CELSR3: variants seen among roughly 807,000 people sequenced by gnomAD.
The protein encoded by CELSR3 is EGF-like protein 1.
In CELSR3, 73 loss-of-function variants were observed where a neutral mutation model predicts 270.0. That is an observed-to-expected ratio of 0.27 (90% CI 0.22 to 0.33). CELSR3 has a LOEUF of 0.33. CELSR3 is among the 10% of genes least tolerant of loss of function. The pLI is 1.00. For synonymous variants in CELSR3, 1,780 were observed against 1,905.4 expected, an observed-to-expected ratio of 0.93 and a Z score of 1.71; for missense variants, 3,614 against 4,533.8, an observed-to-expected ratio of 0.80 and a Z score of 5.83.
At position 48,644,628 on chromosome 3, in the gene CELSR3, A is replaced by AC. The variant is rs1160155250; in HGVS notation, c.8085+87dup. On this transcript the variant is annotated intron_variant, in intron 26 of 34. Coordinates refer to ENST00000164024, the MANE Select transcript of CELSR3 (RefSeq NM_001407.3). The surrounding 1 kb of genome is among the most constrained non-coding windows in gnomAD (Gnocchi z 4.8). ...GAGCCCAGGAAGCCTGCAGAATGCC[A>AC]CCTGACCGCCCTCAGCTGAGTCCAC... 9.3e-7 allele frequency: 1 copy of AC among 1,072,384 alleles called. No homozygotes were observed. The highest frequency in any genetic ancestry group is 1.6e-5 in the African/African-American group (1 of 63,288). The allele number at this position is 1,072,384 out of a possible 1,614,324, so 66.4% of individuals were successfully genotyped here.
rs1054347988 is a variant in CELSR3 at position 48,651,961 on chromosome 3, T to G, written c.5839A>C (p.Thr1947Pro). The G allele has an allele frequency of 1.9e-6, 3 of 1,607,756 alleles. No homozygotes were observed. The highest frequency in any genetic ancestry group is 2.5e-6 in the Non-Finnish European group (3 of 1,178,004). ...RVNAEPGCVV[T>P]NACASGPCPP... ...CAGGGCCCAGAGGCACAGGCGTTGG[T>G]CACAACACAGCCAGGCTCCGCATTC... Residue 1947 changes from threonine (T) to proline (P), a missense_variant, in exon 12 of 35, where the codon ACC becomes CCC. Physicochemically the swap from Thr to Pro is conservative, Grantham distance 38. Coordinates refer to ENST00000164024, the MANE Select transcript of CELSR3 (RefSeq NM_001407.3). This position sits in a 1 kb window ranked among gnomAD's most constrained non-coding sequence, Gnocchi z 7.4.
At position 48,646,241 on chromosome 3, in the gene CELSR3, C is replaced by T. The variant is rs143320362; in HGVS notation, c.7312G>A (p.Val2438Ile). The change falls in exon 22 of 35, where the codon GTC becomes ATC. Residue 2438 changes from valine to isoleucine, a missense_variant. Around this residue, in one of 7 missense-constraint regions of CELSR3, gnomAD observed 1,240 missense variants for 1,351.7 expected, o/e 0.92. Coordinates refer to ENST00000164024, the MANE Select transcript of CELSR3 (RefSeq NM_001407.3). The surrounding 1 kb of genome is among the most constrained non-coding windows in gnomAD (Gnocchi z 4.8). ...ACGCTGACCACCGGGGAGTTCATGACGGGGTTCTGAGGAAGCCTGGGGAGA... is the reference window on the plus strand; with the variant it reads ...ACGCTGACCACCGGGGAGTTCATGATGGGGTTCTGAGGAAGCCTGGGGAGA... The part of the protein sequence containing the change: ...RRGARLPQNP[V>I]MNSPVVSVAV... The T allele has an allele frequency of 1.7e-3, 2,720 of 1,611,754 alleles. 4 individuals carry two copies. Among genetic ancestry groups the T allele is most frequent in the Non-Finnish European group, 2.1e-3 (2,443 of 1,179,266 alleles).
chr3:48,642,376 T>C lies in CELSR3; in HGVS notation c.8647A>G (p.Met2883Val), dbSNP rs968097516. 7 of 1,612,884 alleles carry C rather than the reference T, an allele frequency of 4.3e-6. No homozygotes were observed. The highest frequency in any genetic ancestry group is 5.9e-6 in the Non-Finnish European group (7 of 1,179,796). Residue 2883 changes from methionine (M) to valine (V), a missense_variant, in exon 31 of 35, where the codon ATG becomes GTG. Met to Val is a conservative substitution (Grantham distance 21). Around this residue, in one of 7 missense-constraint regions of CELSR3, gnomAD observed 1,240 missense variants for 1,351.7 expected, o/e 0.92. Transcript: ENST00000164024. This position sits in a 1 kb window ranked among gnomAD's most constrained non-coding sequence, Gnocchi z 6.1. Reference protein sequence around the residue: ...HAGPTDLDVAMFHRDAGADSD... With the variant: ...HAGPTDLDVAVFHRDAGADSD... ...ACTCCACCAGCATCTCGATGGAACA[T>C]GGCCACGTCCAGGTCAGTGGGGCCA... is the stretch of plus-strand genomic sequence containing the variant.
chr3:48,642,352 C>T lies in CELSR3; in HGVS notation c.8665+6G>A, dbSNP rs773464704. On this transcript the variant is annotated splice_donor_region_variant and intron_variant, in intron 31 of 34. Coordinates refer to ENST00000164024, the MANE Select transcript of CELSR3 (RefSeq NM_001407.3). The surrounding 1 kb of genome is among the most constrained non-coding windows in gnomAD (Gnocchi z 6.1). ...CCCTCCTCCCTGCCCCAGGCCCCAA[C>T]TCCACCAGCATCTCGATGGAACATG... The T allele has an allele frequency of 1.9e-6, 3 of 1,611,548 alleles. No individual in the cohort carries two copies. The highest frequency in any genetic ancestry group is 2.5e-6 in the Non-Finnish European group (3 of 1,179,036).
chr3:48,650,324 A>C lies in CELSR3; in HGVS notation c.6472+156T>G. 1 of 714,874 alleles carries C rather than the reference A, an allele frequency of 1.4e-6. No individual in the cohort carries two copies. The highest frequency in any genetic ancestry group is 2.5e-6 in the Non-Finnish European group (1 of 394,064). The allele number at this position is 714,874 out of a possible 1,614,324, so 44.3% of individuals were successfully genotyped here. A position where few individuals can be genotyped will look rare whatever the true frequency, so the allele number is the denominator to read the frequency against. ...AGCCAAGAGAAACAGATGGAGGCTCAATGAGGGTGTAGGGAGGGGCCCACA... is the reference window on the plus strand; with the variant it reads ...AGCCAAGAGAAACAGATGGAGGCTCCATGAGGGTGTAGGGAGGGGCCCACA... On this transcript the variant is annotated intron_variant, in intron 16 of 34. Coordinates refer to ENST00000164024, the MANE Select transcript of CELSR3 (RefSeq NM_001407.3). The surrounding 1 kb of genome is among the most constrained non-coding windows in gnomAD (Gnocchi z 5.1).
Position 48,637,891 on chromosome 3 carries a change from A to C in CELSR3, c.*314T>G. ...GGGGTCAAACTGCATCTCTCCCTCT[A>C]TCTCCCTCCCCCTCCCAGCCCAGCC... On this transcript the variant is annotated 3_prime_UTR_variant, in exon 35 of 35. Coordinates refer to ENST00000164024, the MANE Select transcript of CELSR3 (RefSeq NM_001407.3). The C allele has an allele frequency of 2.8e-6, 1 of 362,906 alleles. No homozygotes were observed. Among genetic ancestry groups the C allele is most frequent in the Non-Finnish European group, 5.2e-6 (1 of 193,360 alleles). 22.5% of individuals were successfully genotyped at this position (362,906 alleles called of 1,614,324 possible).
rs373902123 is a variant in CELSR3, at chr3:48,648,780, G to C, written c.6716C>G (p.Ala2239Gly). ...VTARLLAHLL[A>G]FESHQQGFGL... ...GAAGCCCTGCTGATGGCTCTCGAAG[G>C]CCAGCAGGTGGGCCAGCAGGCGGGC... Residue 2239 changes from alanine to glycine, a missense_variant, in exon 18 of 35, where the codon GCC becomes GGC. Around this residue, in one of 7 missense-constraint regions of CELSR3, gnomAD observed 1,331 missense variants for 1,933.7 expected, o/e 0.69. Transcript: ENST00000164024. The C allele has an allele frequency of 1.9e-6, 3 of 1,612,866 alleles. No individual in the cohort carries two copies. Among genetic ancestry groups the C allele is most frequent in the Non-Finnish European group, 2.5e-6 (3 of 1,180,006 alleles).
rs1274817002 is a variant in CELSR3, at chr3:48,643,535, G to A, written c.8289+19C>T. ...AAGGCCCACCTGGTTCTGGGGCAAG[G>A]GAGGGGCACCAGAGTCACCTGGAGG... On this transcript the variant is annotated intron_variant, in intron 28 of 34. Transcript: ENST00000164024. 2 of 1,547,308 alleles carry A rather than the reference G, an allele frequency of 1.3e-6. No individual in the cohort carries two copies. The highest frequency in any genetic ancestry group is 1.7e-6 in the Non-Finnish European group (2 of 1,145,036).
chr3:48,651,810 C>A lies in CELSR3; in HGVS notation c.5923+67G>T. 1 of 1,549,122 alleles carries A rather than the reference C, an allele frequency of 6.5e-7. No homozygotes were observed. The highest frequency in any genetic ancestry group is 8.7e-7 in the Non-Finnish European group (1 of 1,150,406). On this transcript the variant is annotated intron_variant, in intron 12 of 34. Coordinates refer to ENST00000164024, the MANE Select transcript of CELSR3 (RefSeq NM_001407.3). This position sits in a 1 kb window ranked among gnomAD's most constrained non-coding sequence, Gnocchi z 7.4. ...CGAGTCCCTGCCTCCTTCAGGTTCCCCAGTCTTCATCATGGGCCCCTAACG... is the reference window on the plus strand; with the variant it reads ...CGAGTCCCTGCCTCCTTCAGGTTCCACAGTCTTCATCATGGGCCCCTAACG...
At position 48,645,874 on chromosome 3, in the gene CELSR3, G is replaced by T. The variant is rs1053667971; in HGVS notation, c.7464-6C>A. 7 of 1,592,330 alleles carry T rather than the reference G, an allele frequency of 4.4e-6. No individual in the cohort carries two copies. The highest frequency in any genetic ancestry group is 2.3e-5 in the East Asian group (1 of 44,386). On this transcript the variant is annotated splice_polypyrimidine_tract_variant and splice_region_variant and intron_variant, in intron 22 of 34. Coordinates refer to ENST00000164024, the MANE Select transcript of CELSR3 (RefSeq NM_001407.3). The surrounding 1 kb of genome is among the most constrained non-coding windows in gnomAD (Gnocchi z 5.4). ...ACACACCATGCTGCTCCGCCCTGCA[G>T]CCACAGGGCAGTTAGACACAACTGT...
rs2047176374 is a variant in CELSR3 at position 48,655,890 on chromosome 3, C to A, written c.4626-39G>T. 7.3e-7 allele frequency: 1 copy of A among 1,371,592 alleles called. No homozygotes were observed. The highest frequency in any genetic ancestry group is 2.4e-5 in the East Asian group (1 of 41,318). 85.0% of individuals were successfully genotyped at this position (1,371,592 alleles called of 1,614,324 possible). On this transcript the variant is annotated intron_variant, in intron 3 of 34. Coordinates refer to ENST00000164024, the MANE Select transcript of CELSR3 (RefSeq NM_001407.3). The surrounding 1 kb of genome is among the most constrained non-coding windows in gnomAD (Gnocchi z 5.8). ...GAGGGGGTTGCGGGGGTGGGAGCGT[C>A]AGGAGCAGGGTACCACTTCACACCC... is the stretch of plus-strand genomic sequence containing the variant.
In CELSR3 at chr3:48,640,544, C is replaced by G. The variant is rs781494043; in HGVS notation, c.9041G>C (p.Arg3014Pro). The change falls in exon 34 of 35, where the codon CGG becomes CCG. Residue 3014 changes from arginine (R) to proline (P), a missense_variant. By Grantham distance (103) the Arg-to-Pro change is moderately radical. Around this residue, in one of 7 missense-constraint regions of CELSR3, gnomAD observed 1,240 missense variants for 1,351.7 expected, o/e 0.92. Transcript: ENST00000164024. The surrounding 1 kb of genome is among the most constrained non-coding windows in gnomAD (Gnocchi z 7.5). The part of the protein sequence containing the change: ...QRQRKGILKN[R>P]LQYPLVPQTR... ...CTGTGGCACCAGTGGGTATTGCAAC[C>G]GGTTCTTCAGGATGCCTGTGAGAGG... The G allele has an allele frequency of 6.4e-7, 1 of 1,571,914 alleles. No individual in the cohort carries two copies. Among genetic ancestry groups the G allele is most frequent in the South Asian group, 1.1e-5 (1 of 88,036 alleles).
chr3:48,640,870 C>A lies in CELSR3; in HGVS notation c.9026-311G>T. The A allele has an allele frequency of 2.1e-6, 1 of 472,120 alleles. No homozygotes were observed. The highest frequency in any genetic ancestry group is 3.9e-5 in the Admixed American group (1 of 25,762). 29.2% of individuals were successfully genotyped at this position (472,120 alleles called of 1,614,324 possible). A position where few individuals can be genotyped will look rare whatever the true frequency, so the allele number is the denominator to read the frequency against. On this transcript the variant is annotated intron_variant, in intron 33 of 34. Coordinates refer to ENST00000164024, the MANE Select transcript of CELSR3 (RefSeq NM_001407.3). The surrounding 1 kb of genome is among the most constrained non-coding windows in gnomAD (Gnocchi z 7.5). Reference sequence around the variant, plus strand: ...GGGCAGCCCTCAGGTCCTGACAATGCAGGCCTGGCTGAAATGCAGGAACCC... The same window carrying A: ...GGGCAGCCCTCAGGTCCTGACAATGAAGGCCTGGCTGAAATGCAGGAACCC...
Position 48,651,633 on chromosome 3 carries a change from G to A in CELSR3, c.6009C>T (p.Pro2003=). Residue 2003 remains proline, a synonymous_variant, in exon 13 of 35, where the codon CCC becomes CCT. Coordinates refer to ENST00000164024, the MANE Select transcript of CELSR3 (RefSeq NM_001407.3). This position sits in a 1 kb window ranked among gnomAD's most constrained non-coding sequence, Gnocchi z 7.4. ...QGSCRHLPGA[P]HGYTCDCVGG... is the part of the protein sequence containing the mutation. ...CCACACAGTCACAGGTATAGCCATG[G>A]GGGGCTCCTGGCAGGTGCCGGCATG... 6.3e-7 allele frequency: 1 copy of A among 1,591,514 alleles called. No homozygotes were observed. The highest frequency in any genetic ancestry group is 8.6e-7 in the Non-Finnish European group (1 of 1,168,690).
chr3:48,640,340 C>T lies in CELSR3; in HGVS notation c.9245G>A (p.Arg3082His), dbSNP rs765577959. 2.5e-5 allele frequency: 41 copies of T among 1,612,642 alleles called. No individual in the cohort carries two copies. The highest frequency in any genetic ancestry group is 6.7e-5 in the East Asian group (3 of 44,862). ...GGCAGGGGCTTCCTCTAGTCGCTCA[C>T]GGCTCAGTTGCCGCCGGAGGAGCAG... ...LDLLLRRQLS[R>H]ERLEEAPAPV... is the part of the protein sequence containing the mutation. Residue 3082 changes from arginine to histidine, a missense_variant, in exon 34 of 35, where the codon CGT (arginine) becomes CAT (histidine). Arg to His is a conservative substitution (Grantham distance 29). Around this residue, in one of 7 missense-constraint regions of CELSR3, gnomAD observed 1,240 missense variants for 1,351.7 expected, o/e 0.92. Transcript: ENST00000164024. The surrounding 1 kb of genome is among the most constrained non-coding windows in gnomAD (Gnocchi z 7.5).
rs375968214 is a variant in CELSR3 at position 48,655,169 on chromosome 3, G to T, written c.4863C>A (p.Gly1621=). 5 of 1,613,810 alleles carry T rather than the reference G, an allele frequency of 3.1e-6. No individual in the cohort carries two copies. The African/African-American group carries it at 6.7e-5, about 22-fold the overall frequency. The change falls in exon 6 of 35, where the codon GGC becomes GGA. Residue 1621 remains glycine, a synonymous_variant. Transcript: ENST00000164024. The surrounding 1 kb of genome is among the most constrained non-coding windows in gnomAD (Gnocchi z 5.8). ...GCACAGCCACCTTGTCCTTGGAGGG[G>T]CCCTGTGCACCCCCTAGGGCATCTG... is the stretch of plus-strand genomic sequence containing the variant. ...PRTDALGGAQ[G]PSKDKVAVLS...
At position 48,659,396 on chromosome 3, in the gene CELSR3, C is replaced by G. The variant is rs1332786723; in HGVS notation, c.3239G>C (p.Ser1080Thr). 6.2e-7 allele frequency: 1 copy of G among 1,614,096 alleles called. No individual in the cohort carries two copies. Among genetic ancestry groups the G allele is most frequent in the African/African-American group, 1.3e-5 (1 of 74,928 alleles). ...EEFEVRVKEN[S>T]IVGSVVAQIT... The stretch of plus-strand genomic sequence containing the variant: ...CTGGGCCACCACTGAGCCCACAATG[C>G]TATTCTCTTTCACCCGCACCTCAAA... Residue 1080 changes from serine (S) to threonine (T), a missense_variant, in exon 1 of 35, where the codon AGC (serine) becomes ACC (threonine). Ser to Thr is a moderately conservative substitution (Grantham distance 58). Transcript: ENST00000164024. The surrounding 1 kb of genome is among the most constrained non-coding windows in gnomAD (Gnocchi z 8.1).
At position 48,639,256 on chromosome 3, in the gene CELSR3, C is replaced by T. The variant is rs1681900917; in HGVS notation, c.9911+418G>A. Reference sequence around the variant, plus strand: ...CCTTCAGCCTGGTATATCCTGGCACCACTTCCAGCCTCTCCTTGTCCTATA... The same window carrying T: ...CCTTCAGCCTGGTATATCCTGGCACTACTTCCAGCCTCTCCTTGTCCTATA... On this transcript the variant is annotated intron_variant, in intron 34 of 34. Transcript: ENST00000164024. This position sits in a 1 kb window ranked among gnomAD's most constrained non-coding sequence, Gnocchi z 4.1. Among the ~76,000 whole-genome samples, 1 of 152,188 alleles carries T rather than the reference C, an allele frequency of 6.6e-6. No individual in the cohort carries two copies. Among genetic ancestry groups the T allele is most frequent in the South Asian group, 2.1e-4 (1 of 4,824 alleles).
At position 48,655,379 on chromosome 3, in the gene CELSR3, A is replaced by G. The variant is rs953171139; in HGVS notation, c.4757T>C (p.Val1586Ala). ...LTYSTGESNT[V>A]VSPTVPGGLS... ...GCCCCCTGGAACTGTGGGGCTGACCACGGTGTTGGATTCACCTGGAGGGGA... is the reference window on the plus strand; with the variant it reads ...GCCCCCTGGAACTGTGGGGCTGACCGCGGTGTTGGATTCACCTGGAGGGGA... Residue 1586 changes from valine (V) to alanine (A), a missense_variant, in exon 5 of 35, where the codon GTG becomes GCG. Transcript: ENST00000164024. The surrounding 1 kb of genome is among the most constrained non-coding windows in gnomAD (Gnocchi z 5.8). 6.8e-6 allele frequency: 11 copies of G among 1,613,924 alleles called. No individual in the cohort carries two copies. The highest frequency in any genetic ancestry group is 1.7e-5 in the Admixed American group (1 of 60,002).
Sources: allele counts gnomAD v4.1 joint callset (sites outside exome capture counted in the v4.1 genomes callset), GRCh38; gene constraint gnomAD v4.1.1; regional missense constraint gnomAD v4.1.1; non-coding constraint Gnocchi (gnomAD v3.1); transcripts MANE v1.5; gene names NCBI Gene and HGNC (gene_info 2026-07-23, HGNC 2026-07-21).